Variants in AKAP9 observed in about 807,000 individuals in gnomAD.
AKAP9 encodes A-kinase anchor protein 9.
AKAP9 carries 311 observed loss-of-function variants against 488.5 expected under a neutral mutation model. That is an observed-to-expected ratio of 0.64 (90% confidence interval 0.58 to 0.70). The LOEUF (loss-of-function observed/expected upper bound fraction) is 0.70, where lower values mean the gene tolerates loss of function less well. AKAP9 is among the 30% of genes least tolerant of loss of function. The pLI is 0.00. For synonymous variants in AKAP9, 1,462 were observed against 1,483.5 expected (o/e 0.99, Z 0.33); for missense variants, 4,215 against 4,374.5 (o/e 0.96, Z 1.03).
Position 91,994,786 on chromosome 7 carries a change from A to G in AKAP9, c.732+10A>G, listed in dbSNP as rs1374419944. 1 of 1,601,626 alleles carries G rather than the reference A, an allele frequency of 6.2e-7. No homozygotes were observed. The highest frequency in any genetic ancestry group is 2.2e-5 in the East Asian group (1 of 44,648). ...GATTCAATTTCAGCAAGTAAGTATT[A>G]CTAATGCAACAAAATTCATTATTTT... is the stretch of plus-strand genomic sequence containing the variant. On this transcript the variant is annotated intron_variant, in intron 6 of 49. Coordinates refer to ENST00000356239, the MANE Select transcript of AKAP9 (RefSeq NM_005751.5).
At chr7:92,066,827 A>G (rs1387622741) in intron 26 of AKAP9, among the ~76,000 whole-genome samples, 3 of 152,070 alleles carry the variant, frequency 2.0e-5, no homozygotes. Context: ...TGATCAAGAG[A>G]GTTATCTGTG....
At chr7:91,995,381 G>C (rs1188159369) in intron 6 of AKAP9, among the ~76,000 whole-genome samples, 1 of 152,124 alleles carries the variant, frequency 6.6e-6, no homozygotes, top group African/African-American at 2.4e-5. Context: ...TCGTATATCT[G>C]CCTCAGTCTC....
chr7:92,107,658 T>C, intron 48 of AKAP9: 1 of 415,352 alleles, frequency 2.4e-6, no homozygotes, highest in Non-Finnish European at 4.4e-6. Flanking sequence ...GAGACTAGCC[T>C]GGCCAACATG....
intron 14 of AKAP9, among the ~76,000 whole-genome samples, chr7:92,024,455 T>A (rs1208045893): frequency 7.4e-6 from 1 of 134,390 alleles, no homozygotes; most frequent in Non-Finnish European, 1.7e-5. Context: ...ATATATATAT[T>A]ATATATATAA....
chr7:91,994,576 A>G (rs752252181), intron 5 of AKAP9, 45 bp from the exon 6 acceptor site: 1 of 1,494,136 alleles, frequency 6.7e-7, no homozygotes, highest in Admixed American at 1.9e-5. Flanking sequence ...CTGTAATAAT[A>G]GTCAATTAAA....
chr7:92,003,003 G>A lies in AKAP9; in HGVS notation c.3086G>A (p.Arg1029Lys). ...GATGGAGTTGTGACCATGACAAGCA[G>A]GGGTGCTGAAGGATCAGTTTCTAAA... The part of the protein sequence containing the change: ...LLDGVVTMTS[R>K]GAEGSVSKVN... The change falls in exon 8 of 50, where the codon AGG becomes AAG. Residue 1029 changes from arginine (R) to lysine (K), a missense_variant. Around this residue, in one of 5 missense-constraint regions of AKAP9, gnomAD observed 2,361 missense variants for 2,430.0 expected, o/e 0.97. Coordinates refer to ENST00000356239, the MANE Select transcript of AKAP9 (RefSeq NM_005751.5). The A allele has an allele frequency of 6.2e-7, 1 of 1,613,504 alleles. No homozygotes were observed. The highest frequency in any genetic ancestry group is 8.5e-7 in the Non-Finnish European group (1 of 1,179,612).
At position 92,107,355 on chromosome 7, in the gene AKAP9, A is replaced by C; in HGVS notation, c.11479A>C (p.Arg3827=). 1 of 1,613,898 alleles carries C rather than the reference A, an allele frequency of 6.2e-7. No individual in the cohort carries two copies. Among genetic ancestry groups the C allele is most frequent in the Non-Finnish European group, 8.5e-7 (1 of 1,179,828 alleles). The change falls in exon 48 of 50, where the codon AGA becomes CGA. Residue 3827 remains arginine (R), a synonymous_variant. Transcript: ENST00000356239. The part of the protein sequence containing the change: ...SGGLELYGEP[R]HTTYRSRSDL... ...TGGGCTGGAGTTATATGGAGAACCA[A>C]GACATACTACGTATCGCTCAAGATC...
Position 92,001,296 on chromosome 7 carries a change from T to C in AKAP9, c.1379T>C (p.Met460Thr), listed in dbSNP as rs1799148330. The change falls in exon 8 of 50, where the codon ATG becomes ACG. Residue 460 changes from methionine to threonine, a missense_variant. By Grantham distance (81) the Met-to-Thr change is moderately conservative (BLOSUM62 -1). Coordinates refer to ENST00000356239, the MANE Select transcript of AKAP9 (RefSeq NM_005751.5). Reference protein sequence around the residue: ...QELIRQHMAQMEEMKTRHKGE... With the variant: ...QELIRQHMAQTEEMKTRHKGE... The stretch of plus-strand genomic sequence containing the variant: ...TTAATAAGACAACACATGGCACAGA[T>C]GGAGGAAATGAAAACACGGCATAAG... The C allele has an allele frequency of 1.2e-6, 2 of 1,613,782 alleles. No individual in the cohort carries two copies. Among genetic ancestry groups the C allele is most frequent in the Non-Finnish European group, 1.7e-6 (2 of 1,179,894 alleles).
In AKAP9 at chr7:92,094,039, C is replaced by CA. The variant is rs1281890040; in HGVS notation, c.9578+724dup. On this transcript the variant is annotated intron_variant, in intron 39 of 49. Transcript: ENST00000356239. ...CTAATTTTTGTATTTTCAATAGAGA[C>CA]AGAGTTTCACCATGTTGACCATGCT... Among the ~76,000 whole-genome samples, 10 of 151,572 alleles carry CA rather than the reference C, an allele frequency of 6.6e-5. 1 individual carries two copies. The highest frequency in any genetic ancestry group is 6.3e-4 in the South Asian group (3 of 4,792).
intron 39 of AKAP9, 49 bp downstream of exon 39, chr7:92,093,365 T>C (rs754236527): frequency 2.0e-5 from 30 of 1,516,754 alleles, no homozygotes; most frequent in Non-Finnish European, 2.6e-5. Context: ...GTGGGAGTAA[T>C]TTTGTCATAA....
chr7:92,086,507 AT>A (rs1384191518), intron 37 of AKAP9, 91 bp downstream of exon 37: 2 of 1,022,228 alleles, frequency 2.0e-6, no homozygotes, highest in Non-Finnish European at 3.0e-6. Flanking sequence ...GAAGGTTAAG[AT>A]TTTAATAGGA....
intron 12 of AKAP9, among the ~76,000 whole-genome samples, chr7:92,019,619 A>T (rs969938587): frequency 2.0e-5 from 3 of 150,838 alleles, no homozygotes; most frequent in African/African-American, 7.3e-5. Context: ...AAGGAATGTC[A>T]TATACATATA....
intron 14 of AKAP9, 78 bp from the exon 15 acceptor site, chr7:92,029,817 A>G: frequency 8.6e-7 from 1 of 1,157,520 alleles, no homozygotes; most frequent in Non-Finnish European, 1.3e-6. Flanking sequence ...TACACATTTT[A>G]TGTGTGGTGT....
Position 92,002,517 on chromosome 7 carries a change from A to G in AKAP9, c.2600A>G (p.Glu867Gly). ...GTTAACTATCAAGAGTTACAAGAGG[A>G]GTATGCTTGCCTTCTCAAAGTAAAA... ...FEVNYQELQE[E>G]YACLLKVKDD... The change falls in exon 8 of 50, where the codon GAG becomes GGG. Residue 867 changes from glutamate to glycine, a missense_variant. Physicochemically the swap from Glu to Gly is moderately conservative, Grantham distance 98 (BLOSUM62 -2). Around this residue, in one of 5 missense-constraint regions of AKAP9, gnomAD observed 2,361 missense variants for 2,430.0 expected, o/e 0.97. Coordinates refer to ENST00000356239, the MANE Select transcript of AKAP9 (RefSeq NM_005751.5). 1 of 1,611,122 alleles carries G rather than the reference A, an allele frequency of 6.2e-7. No homozygotes were observed. The highest frequency in any genetic ancestry group is 1.7e-5 in the Admixed American group (1 of 59,782).
In AKAP9 at chr7:91,970,717, A is replaced by G. The variant is rs187945422; in HGVS notation, c.49-2994A>G. On this transcript the variant is annotated intron_variant, in intron 1 of 49. Transcript: ENST00000356239. The stretch of plus-strand genomic sequence containing the variant: ...GGTATCTGTTGAGAAGTCTGTTGCC[A>G]GACGAATTGTAGCTCTTTTATACAT... Among the ~76,000 whole-genome samples, 13 of 152,296 alleles carry G rather than the reference A, an allele frequency of 8.5e-5. No homozygotes were observed. The East Asian group carries it at 2.5e-3, about 29-fold the overall frequency.
chr7:91,986,102 T>C (rs999450444), intron 3 of AKAP9, among the ~76,000 whole-genome samples: 2 of 152,234 alleles, frequency 1.3e-5, no homozygotes, highest in African/African-American at 4.8e-5. Context: ...GAGCCTGTTA[T>C]TGGTCTATTC....
At chr7:92,094,547 A>G (rs1023180894) in intron 39 of AKAP9, among the ~76,000 whole-genome samples, 3 of 151,310 alleles carry the variant, frequency 2.0e-5, no homozygotes, top group Non-Finnish European at 4.4e-5. Context: ...AAAAAAGAAA[A>G]AAGAGGGCCG....
At position 92,003,193 on chromosome 7, in the gene AKAP9, T is replaced by C; in HGVS notation, c.3276T>C (p.Asn1092=). The C allele has an allele frequency of 6.2e-7, 1 of 1,611,240 alleles. No homozygotes were observed. Among genetic ancestry groups the C allele is most frequent in the Non-Finnish European group, 8.5e-7 (1 of 1,178,260 alleles). ...TTAGAGCAACTCAACCAAGTGAAAA[T>C]GATAAACTTCAGAAAGAACTCAATG... ...SSLRATQPSE[N]DKLQKELNVL... is the part of the protein sequence containing the mutation. The change falls in exon 8 of 50, where the codon AAT becomes AAC. Residue 1092 remains asparagine, a synonymous_variant. Transcript: ENST00000356239.
chr7:92,082,051 C>T (rs938460602), intron 31 of AKAP9, among the ~76,000 whole-genome samples: 1 of 152,128 alleles, frequency 6.6e-6, no homozygotes, highest in African/African-American at 2.4e-5. Context: ...ATTGCAACCT[C>T]TCCCTCCTGA....
Sources: gnomAD v4.1 joint callset for allele counts (sites outside exome capture counted in the v4.1 genomes callset) on GRCh38, gnomAD v4.1.1 for gene constraint, gnomAD v4.1.1 regional missense constraint, MANE v1.5 for transcripts, NCBI Gene and HGNC (gene_info 2026-07-23, HGNC 2026-07-21) for gene names.